VPS41: variants seen among roughly 807,000 people sequenced by gnomAD.
VPS41 encodes vacuolar protein sorting-associated protein 41 homolog.
In VPS41, 85 loss-of-function variants were observed where a neutral mutation model predicts 130.9. The ratio of observed to expected loss-of-function variants is 0.65; its 90% confidence interval spans 0.55 to 0.78. The LOEUF (loss-of-function observed/expected upper bound fraction) is 0.78. Ranked by LOEUF, VPS41 falls within the 30% of genes least tolerant of loss-of-function variation. The pLI is 0.00. For synonymous variants in VPS41, 335 were observed against 332.9 expected (o/e 1.01, Z -0.07); for missense variants, 874 against 1,018.7 (o/e 0.86, Z 1.93).
intron 2 of VPS41, among the ~76,000 whole-genome samples, chr7:38,879,000 T>C (rs76406522): frequency 3.3e-5 from 5 of 152,252 alleles, no homozygotes; most frequent in East Asian, 3.8e-4. Context: ...ATGGTCTTAT[T>C]TGAAGACAGT....
intron 4 of VPS41, among the ~76,000 whole-genome samples, chr7:38,848,756 T>TGCA (rs1310552791): frequency 6.6e-6 from 1 of 152,142 alleles, no homozygotes; most frequent in African/African-American, 2.4e-5. Flanking sequence ...CTGGCCTGCG[T>TGCA]GCAGTGCTGC....
At chr7:38,842,209 TTCTA>T (rs1266370728) in intron 4 of VPS41, among the ~76,000 whole-genome samples, 2 of 152,082 alleles carry the variant, frequency 1.3e-5, no homozygotes, top group African/African-American at 4.8e-5. Flanking sequence ...AGTCCTATCC[TTCTA>T]TCTCTCTTAA....
rs768107342 is a variant in VPS41 at position 38,869,214 on chromosome 7, T to C, written c.100A>G (p.Arg34Gly). The change falls in exon 3 of 29, where the codon AGG (arginine) becomes GGG (glycine). Residue 34 changes from arginine to glycine, a missense_variant. By Grantham distance (125) the Arg-to-Gly change is moderately radical. Transcript: ENST00000310301. ...SEEEPKLKYE[R>G]LSNGVTEILQ... ...ATTTCAGTTACCCCATTGGAAAGCC[T>C]TTCATACTTCAGCTTGGGTTCCTCT... 4.3e-6 allele frequency: 7 copies of C among 1,612,826 alleles called. No homozygotes were observed. Among genetic ancestry groups the C allele is most frequent in the South Asian group, 1.1e-5 (1 of 90,968 alleles).
chr7:38,797,910 C>T (rs1167320965), intron 7 of VPS41, among the ~76,000 whole-genome samples: 2 of 152,148 alleles, frequency 1.3e-5, no homozygotes, highest in African/African-American at 2.4e-5. Flanking sequence ...CACAAGTAAG[C>T]AAAGTACAGT....
intron 7 of VPS41, among the ~76,000 whole-genome samples, chr7:38,798,200 G>A (rs1784656765): frequency 1.3e-5 from 2 of 152,150 alleles, no homozygotes. Flanking sequence ...ACAGACCCCA[G>A]AAATGTAGGA....
chr7:38,860,744 G>A (rs1438552681), intron 4 of VPS41, among the ~76,000 whole-genome samples: 1 of 137,844 alleles, frequency 7.3e-6, no homozygotes, highest in African/African-American at 2.8e-5. Context: ...TGTGTGTGTG[G>A]ACATACGCAT....
chr7:38,802,599 T>G (rs907285764), intron 7 of VPS41, among the ~76,000 whole-genome samples: 1 of 152,194 alleles, frequency 6.6e-6, no homozygotes, highest in African/African-American at 2.4e-5. Flanking sequence ...GAAACATATT[T>G]TCTGACAAGA....
chr7:38,813,662 C>G (rs1013623231), intron 7 of VPS41, among the ~76,000 whole-genome samples: 2 of 152,166 alleles, frequency 1.3e-5, no homozygotes, highest in African/African-American at 2.4e-5. Flanking sequence ...GCCCCATATA[C>G]TAAGCCTTAC....
At chr7:38,887,392 C>T (rs1156422999) in intron 2 of VPS41, among the ~76,000 whole-genome samples, 1 of 152,122 alleles carries the variant, frequency 6.6e-6, no homozygotes, top group Non-Finnish European at 1.5e-5. Context: ...ACACAAGCTT[C>T]AATAGCCAAT....
At chr7:38,890,500 C>T (rs1439226656) in intron 2 of VPS41, among the ~76,000 whole-genome samples, 1 of 152,036 alleles carries the variant, frequency 6.6e-6, no homozygotes, top group Non-Finnish European at 1.5e-5. Flanking sequence ...TAAAACTGCA[C>T]AGAACTAAGT....
intron 4 of VPS41, among the ~76,000 whole-genome samples, chr7:38,844,563 G>A (rs756712802): frequency 1.6e-4 from 25 of 152,062 alleles, no homozygotes; most frequent in Admixed American, 7.9e-4. Flanking sequence ...TGTGAAGAAC[G>A]GAAAGAAATT....
intron 10 of VPS41, among the ~76,000 whole-genome samples, chr7:38,789,470 C>T (rs924349206): frequency 1.3e-5 from 2 of 152,040 alleles, no homozygotes; most frequent in East Asian, 3.9e-4. Context: ...GTCAGTGTGG[C>T]TGCAGCACAG....
intron 7 of VPS41, among the ~76,000 whole-genome samples, chr7:38,797,636 CAT>C (rs113500326): frequency 0.02 from 3,121 of 152,266 alleles, 113 homozygotes; most frequent in African/African-American, 0.07. Flanking sequence ...TCCTGAAACA[CAT>C]GTTTATCCTT....
intron 4 of VPS41, among the ~76,000 whole-genome samples, chr7:38,845,495 T>A (rs1467279584): frequency 6.6e-6 from 1 of 152,142 alleles, no homozygotes; most frequent in Non-Finnish European, 1.5e-5. Context: ...TTGGAGCTCA[T>A]TTTCCCCAGA....
At chr7:38,741,588 T>G (rs1325065274) in intron 25 of VPS41, among the ~76,000 whole-genome samples, 1 of 152,220 alleles carries the variant, frequency 6.6e-6, no homozygotes, top group African/African-American at 2.4e-5. Context: ...AACATTTTTG[T>G]TAATTCCCTC....
At chr7:38,867,033 T>C (rs1786244409) in intron 3 of VPS41, among the ~76,000 whole-genome samples, 1 of 152,156 alleles carries the variant, frequency 6.6e-6, no homozygotes, top group Non-Finnish European at 1.5e-5. Flanking sequence ...CTCAAAATCA[T>C]TACATTAAGT....
intron 6 of VPS41, among the ~76,000 whole-genome samples, chr7:38,820,946 C>CAT (rs1554293333): frequency 1.1e-3 from 167 of 150,242 alleles, no homozygotes; most frequent in African/African-American, 3.9e-3. Context: ...TGTGTGCGTG[C>CAT]GTGTGTGTGT....
chr7:38,885,032 A>G (rs1314871816), intron 2 of VPS41, among the ~76,000 whole-genome samples: 1 of 152,192 alleles, frequency 6.6e-6, no homozygotes, highest in Non-Finnish European at 1.5e-5. Flanking sequence ...TTCTAAATAT[A>G]TAATACACCA....
intron 25 of VPS41, among the ~76,000 whole-genome samples, chr7:38,733,448 C>T (rs1381538681): frequency 6.6e-6 from 1 of 152,110 alleles, no homozygotes; most frequent in Non-Finnish European, 1.5e-5. Flanking sequence ...TTTGCAAATA[C>T]ATTTTGTGAT....
Sources: allele counts gnomAD v4.1 joint callset (sites outside exome capture counted in the v4.1 genomes callset), GRCh38; gene constraint gnomAD v4.1.1; transcripts MANE v1.5; gene names NCBI Gene and HGNC (gene_info 2026-07-23, HGNC 2026-07-21).